The following MC2R variants were observed in gnomAD, a reference collection of about 807,000 sequenced individuals.
MC2R encodes the protein adrenocorticotropic hormone receptor.
Under a neutral mutation model 9.8 loss-of-function variants are expected in MC2R, and 9 were observed. The ratio of observed to expected loss-of-function variants is 0.92; its 90% CI spans 0.55 to 1.60. The LOEUF is 1.60. Ranked by LOEUF, MC2R falls within the 40% of genes most tolerant of loss-of-function variation. The pLI, the probability that MC2R is intolerant of heterozygous loss-of-function variation, is 0.00. For missense variants in MC2R, 370 were observed against 389.0 expected, an observed-to-expected ratio of 0.95 and a Z score of 0.41; for synonymous variants, 185 against 154.7, an observed-to-expected ratio of 1.20 and a Z score of -1.45.
At chr18:13,915,548 G>C (rs538629342), upstream of MC2R, 1 of 153,184 alleles carries the variant, frequency 6.5e-6, no homozygotes, top group Admixed American at 6.5e-5. Flanking sequence ...AGCTCGGAGA[G>C]AAAAGCAAGC....
intron 1 of MC2R, among the ~76,000 whole-genome samples, chr18:13,905,952 GA>G (rs1464792370): frequency 2.0e-5 from 3 of 152,102 alleles, no homozygotes; most frequent in Non-Finnish European, 2.9e-5. Flanking sequence ...GCTACTCAGA[GA>G]GCTGAGGCAG....
chr18:13,899,800 A>G (rs565617028), intron 1 of MC2R, among the ~76,000 whole-genome samples: 2 of 152,324 alleles, frequency 1.3e-5, no homozygotes, highest in East Asian at 1.9e-4. Flanking sequence ...ACCTTCCCAG[A>G]CAAACAAAAG....
At chr18:13,891,508 C>T (rs1286717998) in intron 1 of MC2R, among the ~76,000 whole-genome samples, 1 of 152,220 alleles carries the variant, frequency 6.6e-6, no homozygotes, top group African/African-American at 2.4e-5. Context: ...AGGCTGCCTT[C>T]CATAGGGGCT....
chr18:13,904,380 C>CAA (rs56308792), intron 1 of MC2R, among the ~76,000 whole-genome samples: 183 of 94,980 alleles, frequency 1.9e-3, no homozygotes, highest in African/African-American at 5.8e-3. Context: ...GACCCCGTCT[C>CAA]AAAAAAAAAA....
chr18:13,896,055 A>C (rs2045344735), intron 1 of MC2R, among the ~76,000 whole-genome samples: 1 of 152,196 alleles, frequency 6.6e-6, no homozygotes, highest in Non-Finnish European at 1.5e-5. Flanking sequence ...CTATTTTACC[A>C]CTACTTTGTG....
chr18:13,904,549 A>G (rs1310706864), intron 1 of MC2R, among the ~76,000 whole-genome samples: 1 of 152,126 alleles, frequency 6.6e-6, no homozygotes, highest in Admixed American at 6.5e-5. Context: ...TCCTGGCAAG[A>G]GCAATTAGAC....
chr18:13,898,202 G>T lies in MC2R; in HGVS notation c.-128-12556C>A, dbSNP rs150100164. Among the ~76,000 whole-genome samples the T allele has an allele frequency of 8.5e-5, 13 of 152,290 alleles. No homozygotes were observed. The East Asian group carries it at 1.7e-3, about 20-fold the overall frequency. ...ATTCACCACAACCTGACTGAAGAGC[G>T]CTTGCAAACAAGGAAACATCGGTGG... On this transcript the variant is annotated intron_variant, in intron 1 of 1. Transcript: ENST00000327606.
intron 1 of MC2R, among the ~76,000 whole-genome samples, chr18:13,902,679 C>CA (rs1164883473): frequency 9.2e-5 from 14 of 152,088 alleles, no homozygotes; most frequent in Non-Finnish European, 1.5e-4. Flanking sequence ...ATGCCATACA[C>CA]AAAAATCAAA....
Position 13,884,844 on chromosome 18 carries a change from G to T in MC2R, c.675C>A (p.Leu225=). Residue 225 remains leucine (L), a synonymous_variant, in exon 2 of 2, where the codon CTC becomes CTA. Coordinates refer to ENST00000327606, the MANE Select transcript of MC2R (RefSeq NM_000529.2). ...MKGAITLTIL[L]GVFIFCWAPF... is the part of the protein sequence containing the mutation. ...GGGCCCAGCAGAAGATGAAGACCCC[G>T]AGCAGGATGGTCAGTGTGATGGCCC... is the stretch of plus-strand genomic sequence containing the variant. The T allele has an allele frequency of 1.2e-6, 2 of 1,614,052 alleles. No individual in the cohort carries two copies. Among genetic ancestry groups the T allele is most frequent in the South Asian group, 2.2e-5 (2 of 91,074 alleles).
chr18:13,902,315 G>A (rs2045414819), intron 1 of MC2R, among the ~76,000 whole-genome samples: 1 of 151,870 alleles, frequency 6.6e-6, no homozygotes, highest in Non-Finnish European at 1.5e-5. Context: ...TATTAAGGAT[G>A]ATCTTCACAA....
intron 1 of MC2R, among the ~76,000 whole-genome samples, chr18:13,902,074 G>A (rs1379870646): frequency 6.6e-6 from 1 of 151,854 alleles, no homozygotes; most frequent in Non-Finnish European, 1.5e-5. Flanking sequence ...TCCCTAGGAT[G>A]CAAGGATGGC....
At position 13,885,225 on chromosome 18, in the gene MC2R, A is replaced by C. The variant is rs749372430; in HGVS notation, c.294T>G (p.Phe98Leu). ...CGATGATGTCATCGGCTGTGGTTTC[A>C]AAACTGCCACGTGGCTTGAGATAGC... is the stretch of plus-strand genomic sequence containing the variant. Reference protein sequence around the residue: ...NMGYLKPRGSFETTADDIIDS... With the variant: ...NMGYLKPRGSLETTADDIIDS... The change falls in exon 2 of 2, where the codon TTT becomes TTG. Residue 98 changes from phenylalanine (F) to leucine (L), a missense_variant. By Grantham distance (22) the Phe-to-Leu change is conservative (BLOSUM62 0). Coordinates refer to ENST00000327606, the MANE Select transcript of MC2R (RefSeq NM_000529.2). 2 of 1,614,192 alleles carry C rather than the reference A, an allele frequency of 1.2e-6. No individual in the cohort carries two copies. The highest frequency in any genetic ancestry group is 4.5e-5 in the East Asian group (2 of 44,872).
intron 1 of MC2R, among the ~76,000 whole-genome samples, chr18:13,902,701 T>A (rs544013326): frequency 3.9e-5 from 6 of 152,304 alleles, no homozygotes; most frequent in African/African-American, 1.4e-4. Context: ...AAAAATGGAT[T>A]AAAGACTTAA....
intron 1 of MC2R, among the ~76,000 whole-genome samples, chr18:13,902,385 C>A (rs2045385481): frequency 6.6e-6 from 1 of 152,068 alleles, no homozygotes. Context: ...ATAGTCAAAG[C>A]TACCCTAAGC....
rs1270659436 is a variant in MC2R at position 13,884,854 on chromosome 18, G to T, written c.665C>A (p.Thr222Asn). ...RANMKGAITL[T>N]ILLGVFIFCW... ...GAAGATGAAGACCCCGAGCAGGATG[G>T]TCAGTGTGATGGCCCCTTTCATGTT... is the stretch of plus-strand genomic sequence containing the variant. The change falls in exon 2 of 2, where the codon ACC becomes AAC. Residue 222 changes from threonine (T) to asparagine (N), a missense_variant. By Grantham distance (65) the Thr-to-Asn change is moderately conservative. Coordinates refer to ENST00000327606, the MANE Select transcript of MC2R (RefSeq NM_000529.2). 9.9e-6 allele frequency: 16 copies of T among 1,613,968 alleles called. No individual in the cohort carries two copies. Among genetic ancestry groups the T allele is most frequent in the African/African-American group, 1.3e-5 (1 of 74,900 alleles).
rs1334116675 is a variant in MC2R, at chr18:13,882,462, A to G, written c.*2163T>C. On this transcript the variant is annotated 3_prime_UTR_variant, in exon 2 of 2. Transcript: ENST00000327606. Reference sequence around the variant, plus strand: ...TGTTTCATCCACCATTAGACTAGCCATCTTCATTTTGTTTCTTAGATTAAC... The same window carrying G: ...TGTTTCATCCACCATTAGACTAGCCGTCTTCATTTTGTTTCTTAGATTAAC... The G allele has an allele frequency of 6.6e-6, 1 of 152,266 alleles. No homozygotes were observed. Among genetic ancestry groups the G allele is most frequent in the African/African-American group, 2.4e-5 (1 of 41,472 alleles). The allele number at this position is 152,266 out of a possible 1,614,324, so 9.4% of individuals were successfully genotyped here. A position where few individuals can be genotyped will look rare whatever the true frequency, so the allele number is the denominator to read the frequency against.
intron 1 of MC2R, among the ~76,000 whole-genome samples, chr18:13,901,977 C>G (rs566375152): frequency 2.4e-4 from 37 of 151,922 alleles, no homozygotes; most frequent in African/African-American, 7.7e-4. Context: ...TCCATCCCCC[C>G]CACCGACTGC....
At chr18:13,886,492 T>G (rs1054546546) in intron 1 of MC2R, among the ~76,000 whole-genome samples, 1 of 152,090 alleles carries the variant, frequency 6.6e-6, no homozygotes, top group Non-Finnish European at 1.5e-5. Flanking sequence ...CTTCTCTGAC[T>G]GGGAGGCGGT....
chr18:13,890,508 T>C (rs2045309551), intron 1 of MC2R, among the ~76,000 whole-genome samples: 1 of 152,104 alleles, frequency 6.6e-6, no homozygotes, highest in African/African-American at 2.4e-5. Flanking sequence ...GTTCTGGTGG[T>C]GGGAGCTGTC....
Sources: gnomAD v4.1 joint callset for allele counts (sites outside exome capture counted in the v4.1 genomes callset) on GRCh38, gnomAD v4.1.1 for gene constraint, MANE v1.5 for transcripts, NCBI Gene and HGNC (gene_info 2026-07-23, HGNC 2026-07-21) for gene names.